The following WWOX variants were observed in gnomAD, a reference collection of about 807,000 sequenced individuals.
WWOX encodes the protein WW domain-containing oxidoreductase.
WWOX carries 69 observed loss-of-function variants against 46.2 expected under a neutral mutation model. The observed-to-expected ratio is 1.49, with a 90% CI of 1.23 to 1.82. The LOEUF is 1.82. WWOX is among the 40% of genes most tolerant of loss of function. WWOX has a pLI of 0.00. For synonymous variants in WWOX, 359 were observed against 202.6 expected (o/e 1.77, Z -6.56); for missense variants, 919 against 542.6 (o/e 1.69, Z -6.89).
intron 8 of WWOX, among the ~76,000 whole-genome samples, chr16:78,983,786 A>T (rs926174206): frequency 1.3e-5 from 2 of 151,786 alleles, no homozygotes; most frequent in African/African-American, 4.8e-5. Flanking sequence ...ACTTTGAGAC[A>T]TATCTCCTAC....
At chr16:78,519,494 T>C (rs967578553) in intron 8 of WWOX, among the ~76,000 whole-genome samples, 1 of 151,422 alleles carries the variant, frequency 6.6e-6, no homozygotes, top group Non-Finnish European at 1.5e-5. Context: ...CTATGAAATA[T>C]ATATATATAT....
At chr16:78,297,322 C>G (rs996202202) in intron 5 of WWOX, among the ~76,000 whole-genome samples, 9 of 152,054 alleles carry the variant, frequency 5.9e-5, no homozygotes, top group Non-Finnish European at 1.0e-4. Context: ...GTTCCATGGC[C>G]CCATATTTCT....
At chr16:79,056,548 G>T (rs1422225917) in intron 8 of WWOX, among the ~76,000 whole-genome samples, 1 of 152,116 alleles carries the variant, frequency 6.6e-6, no homozygotes, top group East Asian at 1.9e-4. Flanking sequence ...ATGTGGGGTT[G>T]GATAATTTTT....
At chr16:79,151,307 G>T (rs949372359) in intron 8 of WWOX, among the ~76,000 whole-genome samples, 1 of 152,132 alleles carries the variant, frequency 6.6e-6, no homozygotes. Context: ...ATTCTTTGTG[G>T]TGTGCTCCTG....
At chr16:78,532,587 T>C (rs35461834) in intron 8 of WWOX, among the ~76,000 whole-genome samples, 2,163 of 152,296 alleles carry the variant, frequency 0.014, 23 homozygotes, top group African/African-American at 0.027. Context: ...GATAAAGGCA[T>C]ACCCAATACT....
intron 8 of WWOX, among the ~76,000 whole-genome samples, chr16:78,992,249 G>C (rs1232282281): frequency 1.3e-5 from 2 of 152,092 alleles, no homozygotes; most frequent in Non-Finnish European, 2.9e-5. Context: ...CCTTCTGTAA[G>C]ACCAACTCCC....
At position 78,796,844 on chromosome 16, in the gene WWOX, T is replaced by C. The variant is rs1226130876; in HGVS notation, c.1056+364092T>C. Among the ~76,000 whole-genome samples the C allele has an allele frequency of 2.0e-5, 3 of 151,024 alleles. No homozygotes were observed. In the East Asian group the frequency reaches 5.8e-4, roughly 29 times the overall value. ...ATCTTCTTCTTTTTTTTTTTTTTTT[T>C]AGCCATAGTCTCACTCTGTCACCTA... On this transcript the variant is annotated intron_variant, in intron 8 of 8. Coordinates refer to ENST00000566780, the MANE Select transcript of WWOX (RefSeq NM_016373.4).
intron 8 of WWOX, among the ~76,000 whole-genome samples, chr16:78,601,961 T>G (rs1301292220): frequency 6.6e-6 from 1 of 152,212 alleles, no homozygotes; most frequent in Non-Finnish European, 1.5e-5. Context: ...TTGGTAATAG[T>G]GCAGTGTCTG....
At chr16:78,751,723 C>G (rs1197616992) in intron 8 of WWOX, among the ~76,000 whole-genome samples, 3 of 146,422 alleles carry the variant, frequency 2.0e-5, no homozygotes, top group Non-Finnish European at 4.5e-5. Flanking sequence ...AACACGTAGA[C>G]ATGTTGTGAT....
At chr16:78,814,277 T>C (rs1274111195) in intron 8 of WWOX, among the ~76,000 whole-genome samples, 1 of 152,238 alleles carries the variant, frequency 6.6e-6, no homozygotes, top group Non-Finnish European at 1.5e-5. Flanking sequence ...TTATTTCCCC[T>C]TCCCCTCTTG....
intron 8 of WWOX, among the ~76,000 whole-genome samples, chr16:79,169,222 G>C (rs2050654059): frequency 6.6e-6 from 1 of 152,106 alleles, no homozygotes. Flanking sequence ...GGGGCATTTG[G>C]CTCCAGGTTT....
At chr16:78,672,900 T>C (rs2047501176) in intron 8 of WWOX, among the ~76,000 whole-genome samples, 1 of 152,344 alleles carries the variant, frequency 6.6e-6, no homozygotes, top group African/African-American at 2.4e-5. Flanking sequence ...TACATCCTGA[T>C]AAATGCTGTG....
intron 8 of WWOX, among the ~76,000 whole-genome samples, chr16:79,120,167 A>T (rs971956349): frequency 1.2e-4 from 18 of 152,240 alleles, no homozygotes; most frequent in Non-Finnish European, 2.5e-4. Context: ...TGGATTTTCC[A>T]TACGGCCTGT....
chr16:78,355,295 G>A (rs1035076682), intron 5 of WWOX, among the ~76,000 whole-genome samples: 2 of 152,058 alleles, frequency 1.3e-5, no homozygotes, highest in Admixed American at 6.6e-5. Context: ...GTATATGTAT[G>A]TGTATAGATA....
rs145375140 is a variant in WWOX at position 78,114,380 on chromosome 16, G to A, written c.231-596G>A. On this transcript the variant is annotated intron_variant, in intron 3 of 8. Coordinates refer to ENST00000566780, the MANE Select transcript of WWOX (RefSeq NM_016373.4). Reference sequence around the variant, plus strand: ...CTCCCAAATTGCCGAGATTACAGGCGTGAGCCACTGTGCCCAGCCTCCAGT... The same window carrying A: ...CTCCCAAATTGCCGAGATTACAGGCATGAGCCACTGTGCCCAGCCTCCAGT... Among the ~76,000 whole-genome samples, 395 of 152,238 alleles carry A rather than the reference G, an allele frequency of 2.6e-3. 3 individuals are homozygous for A. The highest frequency in any genetic ancestry group is 8.4e-3 in the African/African-American group (351 of 41,540).
chr16:78,334,541 C>G (rs1019682622), intron 5 of WWOX, among the ~76,000 whole-genome samples: 2 of 151,850 alleles, frequency 1.3e-5, no homozygotes, highest in Non-Finnish European at 2.9e-5. Flanking sequence ...TGCTGTTTTT[C>G]CAGCCATCAT....
chr16:79,144,607 A>G (rs773845278), intron 8 of WWOX, among the ~76,000 whole-genome samples: 3 of 152,140 alleles, frequency 2.0e-5, no homozygotes, highest in Admixed American at 6.6e-5. Flanking sequence ...CGAGTGGAAA[A>G]AGGAATATTT....
At chr16:78,260,197 G>C (rs1194074637) in intron 5 of WWOX, among the ~76,000 whole-genome samples, 1 of 151,398 alleles carries the variant, frequency 6.6e-6, no homozygotes, top group East Asian at 1.9e-4. Context: ...GGACCCAGGT[G>C]AACAGGGTCT....
At chr16:78,577,808 A>G (rs541098445) in intron 8 of WWOX, among the ~76,000 whole-genome samples, 8 of 152,202 alleles carry the variant, frequency 5.3e-5, no homozygotes, top group Admixed American at 1.3e-4. Context: ...CAATGACATG[A>G]CTTTCAGTTT....
Sources: allele counts gnomAD v4.1 joint callset (sites outside exome capture counted in the v4.1 genomes callset), GRCh38; gene constraint gnomAD v4.1.1; transcripts MANE v1.5; gene names NCBI Gene and HGNC (gene_info 2026-07-23, HGNC 2026-07-21).